Variants in MAST4 observed in about 807,000 individuals in gnomAD.
MAST4 encodes microtubule associated serine/threonine kinase family member 4.
Under a neutral mutation model 162.7 loss-of-function variants are expected in MAST4, and 89 were observed. The observed-to-expected ratio is 0.55, with a 90% confidence interval of 0.46 to 0.65. MAST4 has a LOEUF of 0.65. MAST4 is among the 30% of genes least tolerant of loss of function. The pLI is 0.00. For synonymous variants in MAST4, 1,479 were observed against 1,361.1 expected, an observed-to-expected ratio of 1.09 and a Z score of -1.91; for missense variants, 3,153 against 3,374.0, an observed-to-expected ratio of 0.93 and a Z score of 1.62.
chr5:67,054,473 A>G lies in MAST4; in HGVS notation c.744A>G (p.Ser248=). 1 of 1,608,888 alleles carries G rather than the reference A, an allele frequency of 6.2e-7. No individual in the cohort carries two copies. Residue 248 remains serine, a synonymous_variant, in exon 5 of 29, where the codon TCA becomes TCG. Transcript: ENST00000403625. ...CACCAGCATTGCCTCGACCACACTC[A>G]CCTCTCTCTGCTCATGCAGGTAATT... The part of the protein sequence containing the change: ...GQSPALPRPH[S]PLSAHAGNSP...
At chr5:67,081,464 A>G (rs556278993) in intron 5 of MAST4, among the ~76,000 whole-genome samples, 1 of 151,988 alleles carries the variant, frequency 6.6e-6, no homozygotes, top group Non-Finnish European at 1.5e-5. Context: ...GGAAGAAGAG[A>G]TGCTGAATTA....
intron 4 of MAST4, among the ~76,000 whole-genome samples, chr5:67,038,557 G>A (rs1318869949): frequency 1.3e-5 from 2 of 152,176 alleles, no homozygotes; most frequent in African/African-American, 4.8e-5. Context: ...TGATGATGGT[G>A]TTGATGGAGT....
At chr5:66,698,844 G>A (rs1388423515) in intron 1 of MAST4, among the ~76,000 whole-genome samples, 2 of 152,052 alleles carry the variant, frequency 1.3e-5, no homozygotes, top group East Asian at 1.9e-4. Flanking sequence ...TGAGTTCTGT[G>A]GCCACTGCCT....
intron 22 of MAST4, 126 bp downstream of exon 22, chr5:67,144,922 C>A: frequency 8.3e-7 from 1 of 1,206,602 alleles, no homozygotes; most frequent in Non-Finnish European, 1.1e-6. Context: ...CAGAGTTTCT[C>A]ATCCAGTAGA....
At chr5:67,104,092 C>A (rs1250505658) in intron 9 of MAST4, among the ~76,000 whole-genome samples, 1 of 152,174 alleles carries the variant, frequency 6.6e-6, no homozygotes, top group African/African-American at 2.4e-5. Flanking sequence ...AGAGATTTCC[C>A]ATGTACCTGG....
chr5:66,885,618 C>A (rs937994027), intron 3 of MAST4, among the ~76,000 whole-genome samples: 17 of 152,266 alleles, frequency 1.1e-4, no homozygotes, highest in Admixed American at 7.8e-4. Context: ...AATGGCAATT[C>A]CAATTGCCCA....
In MAST4 at chr5:67,142,156, T is replaced by G; in HGVS notation, c.2536T>G (p.Leu846Val). ...EVKQHRFFRSLDWNSLLRQKA... is the reference protein window; with the variant it reads ...EVKQHRFFRSVDWNSLLRQKA... ...CAAACAGCATCGATTCTTCCGTTCTTTAGACTGGAACAGTTTGCTGAGACA... is the reference window on the plus strand; with the variant it reads ...CAAACAGCATCGATTCTTCCGTTCTGTAGACTGGAACAGTTTGCTGAGACA... The change falls in exon 20 of 29, where the codon TTA (leucine) becomes GTA (valine). Residue 846 changes from leucine to valine, a missense_variant. By Grantham distance (32) the Leu-to-Val change is conservative. Around this residue, in one of 7 missense-constraint regions of MAST4, gnomAD observed 62 missense variants for 63.1 expected, o/e 0.98. Coordinates refer to ENST00000403625, the MANE Select transcript of MAST4 (RefSeq NM_001164664.2). The G allele has an allele frequency of 1.2e-6, 2 of 1,613,916 alleles. No homozygotes were observed. Among genetic ancestry groups the G allele is most frequent in the Non-Finnish European group, 1.7e-6 (2 of 1,179,810 alleles).
In MAST4 at chr5:66,608,392, C is replaced by T. The variant is rs553809462; in HGVS notation, c.363+11374C>T. Among the ~76,000 whole-genome samples, 18 of 99,936 alleles carry T rather than the reference C, an allele frequency of 1.8e-4. No homozygotes were observed. The East Asian group carries it at 5.1e-3, about 28-fold the overall frequency. The allele number at this position is 99,936 out of a possible 152,430, so 65.6% of individuals were successfully genotyped here. A position where few individuals can be genotyped will look rare whatever the true frequency, so the allele number is the denominator to read the frequency against. On this transcript the variant is annotated intron_variant, in intron 1 of 28. Transcript: ENST00000403625. The stretch of plus-strand genomic sequence containing the variant: ...TTTTTTTTTTTTTTTTTTTTGATGG[C>T]GAGAACATTAAGGTCTATATATACA...
At chr5:66,904,370 C>T (rs1763206539) in intron 4 of MAST4, among the ~76,000 whole-genome samples, 1 of 152,022 alleles carries the variant, frequency 6.6e-6, no homozygotes, top group Non-Finnish European at 1.5e-5. Flanking sequence ...GGTGTTTATA[C>T]CCTGGAGAGA....
chr5:66,891,745 A>G (rs1453529789), intron 3 of MAST4, among the ~76,000 whole-genome samples: 1 of 152,168 alleles, frequency 6.6e-6, no homozygotes, highest in Admixed American at 6.5e-5. Flanking sequence ...TGCCAGGCTA[A>G]TTCCCAGACA....
chr5:66,931,725 G>T (rs764659681), intron 4 of MAST4, among the ~76,000 whole-genome samples: 2 of 152,036 alleles, frequency 1.3e-5, no homozygotes, highest in South Asian at 2.1e-4. Flanking sequence ...TGAAGATAGC[G>T]TTGCTGCCTG....
chr5:66,731,419 A>AGAACAAGGTGTTTGCATATAGAACAAGG (rs1751850414), intron 1 of MAST4, among the ~76,000 whole-genome samples: 2 of 152,146 alleles, frequency 1.3e-5, no homozygotes, highest in African/African-American at 4.8e-5. Flanking sequence ...ATGGCAACCT[A>AGAACAAGGTGTTTGCATATAGAACAAGG]TCAATTTTTC....
At chr5:66,994,960 C>T (rs189692174) in intron 4 of MAST4, among the ~76,000 whole-genome samples, 2 of 152,144 alleles carry the variant, frequency 1.3e-5, no homozygotes, top group East Asian at 3.8e-4. Context: ...AAACTGTTCA[C>T]ATAAATGCAC....
At chr5:66,861,146 C>G (rs995499991) in intron 3 of MAST4, among the ~76,000 whole-genome samples, 3 of 152,222 alleles carry the variant, frequency 2.0e-5, no homozygotes, top group Non-Finnish European at 4.4e-5. Flanking sequence ...GATGGGGGAT[C>G]CGAGGTATCA....
At chr5:67,094,250 G>T in intron 6 of MAST4, 2 of 879,064 alleles carry the variant, frequency 2.3e-6, no homozygotes, top group African/African-American at 3.4e-5. Flanking sequence ...TGGACCATTT[G>T]CATTTATTGG....
chr5:66,837,886 ATATATATATTTTTTTTTTTTTT>A (rs1188246382), intron 3 of MAST4, among the ~76,000 whole-genome samples: 41 of 52,842 alleles, frequency 7.8e-4, no homozygotes, highest in Admixed American at 3.6e-3. Context: ...ATATATATAT[ATATATATATTTTTTTTTTTTTT>A]TTTTTTTTTA....
chr5:67,082,876 C>A (rs1426539689), intron 5 of MAST4, among the ~76,000 whole-genome samples: 1 of 152,154 alleles, frequency 6.6e-6, no homozygotes, highest in African/African-American at 2.4e-5. Context: ...GCTCTCTGTA[C>A]TATTCTTACA....
rs560931560 is a variant in MAST4, at chr5:66,962,455, C to A, written c.674+62473C>A. ...AGCCATGGTGGCTTACGCCTGTAAT[C>A]CCAGCACTTCGAGAGGCTGAAGCAG... On this transcript the variant is annotated intron_variant, in intron 4 of 28. Transcript: ENST00000403625. Among the ~76,000 whole-genome samples, 8 of 152,316 alleles carry A rather than the reference C, an allele frequency of 5.3e-5. No individual in the cohort carries two copies. The East Asian group carries it at 7.7e-4, about 15-fold the overall frequency.
Position 67,152,762 on chromosome 5 carries a change from C to T in MAST4, c.3421C>T (p.Pro1141Ser). The change falls in exon 25 of 29, where the codon CCG becomes TCG. Residue 1141 changes from proline to serine, a missense_variant. Transcript: ENST00000403625. ...AGCAGCTTCTGCCAGTCCACATCAG[C>T]CGATTGTGATCCACAGTTCGGGGAA... Reference protein sequence around the residue: ...SSAASASPHQPIVIHSSGKNY... With the variant: ...SSAASASPHQSIVIHSSGKNY... The T allele has an allele frequency of 1.2e-6, 2 of 1,614,072 alleles. No individual in the cohort carries two copies. The highest frequency in any genetic ancestry group is 2.2e-5 in the South Asian group (2 of 91,090).
Sources: gnomAD v4.1 joint callset for allele counts (sites outside exome capture counted in the v4.1 genomes callset) on GRCh38, gnomAD v4.1.1 for gene constraint, gnomAD v4.1.1 regional missense constraint, MANE v1.5 for transcripts, NCBI Gene and HGNC (gene_info 2026-07-23, HGNC 2026-07-21) for gene names.